The following VPS37A variants were observed in gnomAD, a reference collection of about 807,000 sequenced individuals.
VPS37A encodes vacuolar protein sorting-associated protein 37A.
In VPS37A, 30 loss-of-function variants were observed where a neutral mutation model predicts 49.8. The observed-to-expected ratio is 0.60, with a 90% CI of 0.45 to 0.82. The LOEUF (loss-of-function observed/expected upper bound fraction) is 0.82, where lower values mean the gene tolerates loss of function less well. VPS37A is among the 40% of genes least tolerant of loss of function. The pLI is 0.00. For missense variants in VPS37A, 593 were observed against 464.4 expected (o/e 1.28, Z -2.55); for synonymous variants, 195 against 160.6 (o/e 1.21, Z -1.62).
At chr8:17,316,911 ACT>A in the VPS37A span, among the ~76,000 whole-genome samples, 1 of 151,980 alleles carries the variant, frequency 6.6e-6, no homozygotes, top group East Asian at 1.9e-4. Flanking sequence ...CTGAGGGATG[ACT>A]CTACTGCCAA....
chr8:17,251,350 C>G lies in VPS37A; in HGVS notation c.125+3981C>G, dbSNP rs192574799. 3.2e-3 allele frequency among the ~76,000 whole-genome samples: 484 copies of G among 152,298 alleles called. 4 individuals are homozygous for G. Among genetic ancestry groups the G allele is most frequent in the African/African-American group, 0.011 (454 of 41,560 alleles). On this transcript the variant is annotated intron_variant, in intron 1 of 11. Coordinates refer to ENST00000324849, the MANE Select transcript of VPS37A (RefSeq NM_152415.3). ...TGAGACAACCCTGATCCTCCAATTC[C>G]TATCTGTAAAATCAGCAATTGTGAT...
At chr8:17,307,418 A>G (rs1193293646), downstream of VPS37A, among the ~76,000 whole-genome samples, 2 of 152,168 alleles carry the variant, frequency 1.3e-5, no homozygotes, top group Non-Finnish European at 2.9e-5. Context: ...AGAAATAGGA[A>G]CACTTTTACA....
In VPS37A at chr8:17,256,996, T is replaced by G. The variant is rs753429937; in HGVS notation, c.126-8911T>G. 4.6e-5 allele frequency among the ~76,000 whole-genome samples: 7 copies of G among 152,208 alleles called. No homozygotes were observed. In the South Asian group the frequency reaches 1.5e-3, roughly 32 times the overall value. ...CTTTTGAGGTCTTACACAAAATTGT[T>G]TGCCTAGAACAATGTACTGAAGCAT... On this transcript the variant is annotated intron_variant, in intron 1 of 11. Coordinates refer to ENST00000324849, the MANE Select transcript of VPS37A (RefSeq NM_152415.3).
At chr8:17,298,154 G>C (rs537431144), downstream of VPS37A, 1 of 152,154 alleles carries the variant, frequency 6.6e-6, no homozygotes, top group African/African-American at 2.4e-5. Context: ...CAAGAAGGTT[G>C]TGAAGTGAGT....
the VPS37A span, among the ~76,000 whole-genome samples, chr8:17,330,553 A>G: frequency 1.3e-5 from 2 of 152,240 alleles, no homozygotes; most frequent in Non-Finnish European, 2.9e-5. Flanking sequence ...GGCCACATGA[A>G]TAACTCTTCT....
intron 11 of VPS37A, among the ~76,000 whole-genome samples, chr8:17,290,949 G>A (rs1164787486): frequency 2.0e-5 from 3 of 152,126 alleles, no homozygotes; most frequent in Non-Finnish European, 4.4e-5. Flanking sequence ...TCTAGTTTGT[G>A]TAAAGGTGTT....
At chr8:17,274,122 G>A (rs998491475) in intron 4 of VPS37A, among the ~76,000 whole-genome samples, 2 of 152,138 alleles carry the variant, frequency 1.3e-5, no homozygotes, top group African/African-American at 2.4e-5. Context: ...TAAAATATTT[G>A]TTATCTTGCA....
At chr8:17,252,426 G>C (rs752563546) in intron 1 of VPS37A, among the ~76,000 whole-genome samples, 1 of 152,076 alleles carries the variant, frequency 6.6e-6, no homozygotes, top group Admixed American at 6.6e-5. Context: ...ACTCTGCCTG[G>C]CTTGGCCTCC....
rs372276569 is a variant in VPS37A, at chr8:17,265,968, A to G, written c.187A>G (p.Ile63Val). 11 of 1,612,362 alleles carry G rather than the reference A, an allele frequency of 6.8e-6. No homozygotes were observed. The highest frequency in any genetic ancestry group is 6.7e-5 in the African/African-American group (5 of 74,904). The change falls in exon 2 of 12, where the codon ATT becomes GTT. Residue 63 changes from isoleucine (I) to valine (V), a missense_variant. Ile to Val is a conservative substitution (Grantham distance 29, BLOSUM62 3). Transcript: ENST00000324849. ...GCCATTCACCATAAACAACCTGACA[A>G]TTAACATTAATATGTGAGTAGAATT... ...RLPFTINNLT[I>V]NINILLPPQF...
At chr8:17,327,806 C>G in the VPS37A span, among the ~76,000 whole-genome samples, 2 of 152,172 alleles carry the variant, frequency 1.3e-5, no homozygotes, top group Admixed American at 1.3e-4. Context: ...TTTTAACTTA[C>G]ATTTCTCTAA....
the VPS37A span, chr8:17,313,170 G>A: frequency 1.6e-6 from 1 of 615,884 alleles, no homozygotes; most frequent in South Asian, 2.5e-5. Flanking sequence ...GCTCTACAAA[G>A]CTGGCTATCC....
At chr8:17,272,850 C>T (rs1275435959) in intron 4 of VPS37A, among the ~76,000 whole-genome samples, 5 of 88,096 alleles carry the variant, frequency 5.7e-5, no homozygotes, top group Admixed American at 2.1e-4. Flanking sequence ...TGAAAATCTC[C>T]GTGTCACTTT....
chr8:17,309,381 CCA>C, the VPS37A span: 1 of 1,175,106 alleles, frequency 8.5e-7, no homozygotes, highest in Non-Finnish European at 1.3e-6. Flanking sequence ...AAATAAGAGA[CCA>C]CACAACCAAT....
the VPS37A span, among the ~76,000 whole-genome samples, chr8:17,319,994 T>C: frequency 6.6e-6 from 1 of 152,124 alleles, no homozygotes; most frequent in African/African-American, 2.4e-5. Flanking sequence ...AAGTGTAAAA[T>C]ATGAATCAAA....
downstream of VPS37A, chr8:17,301,633 G>C (rs1399467827): frequency 1.3e-5 from 2 of 153,792 alleles, no homozygotes; most frequent in African/African-American, 4.8e-5. Context: ...AACTACATTA[G>C]TACCATTGGA....
the VPS37A span, among the ~76,000 whole-genome samples, chr8:17,321,500 G>A: frequency 6.6e-6 from 1 of 152,184 alleles, no homozygotes; most frequent in African/African-American, 2.4e-5. Context: ...TCCCCTGTGT[G>A]CTGAGTGGCA....
intron 9 of VPS37A, among the ~76,000 whole-genome samples, chr8:17,282,826 G>A (rs1042075460): frequency 2.0e-5 from 3 of 152,074 alleles, no homozygotes; most frequent in Non-Finnish European, 2.9e-5. Flanking sequence ...TGGGGATGAT[G>A]AATCTTCTGC....
the VPS37A span, among the ~76,000 whole-genome samples, chr8:17,332,136 G>C: frequency 2.6e-5 from 4 of 152,152 alleles, no homozygotes; most frequent in African/African-American, 9.7e-5. Flanking sequence ...CTAGAAAACA[G>C]CATTCGCTGA....
chr8:17,311,746 G>C, the VPS37A span: 1 of 1,514,878 alleles, frequency 6.6e-7, no homozygotes, highest in African/African-American at 1.4e-5. Context: ...CAGCCAAAAC[G>C]AAACACCTGT....
Sources: allele counts gnomAD v4.1 joint callset (sites outside exome capture counted in the v4.1 genomes callset), GRCh38; gene constraint gnomAD v4.1.1; transcripts MANE v1.5; gene names NCBI Gene and HGNC (gene_info 2026-07-23, HGNC 2026-07-21).